Variants in METTL24 observed in about 807,000 individuals in gnomAD.
METTL24 encodes methyltransferase like 24.
Under a neutral mutation model 32.7 loss-of-function variants are expected in METTL24, and 29 were observed. That is an observed-to-expected ratio of 0.89 (90% CI 0.66 to 1.21). METTL24 has a LOEUF of 1.21. Ranked by LOEUF, METTL24 falls within the 50% of genes most tolerant of loss-of-function variation. METTL24 has a pLI of 0.00. For synonymous variants in METTL24, 163 were observed against 179.5 expected (o/e 0.91, Z 0.73); for missense variants, 439 against 468.1 (o/e 0.94, Z 0.57).
At chr6:110,296,121 T>C (rs75303570) in intron 4 of METTL24, among the ~76,000 whole-genome samples, 14,639 of 152,162 alleles carry the variant, frequency 0.096, 1,374 homozygotes, top group African/African-American at 0.25. Context: ...AGAGAAACCC[T>C]CAGGCAGCTC....
At chr6:110,263,774 T>G (rs1008292329) in intron 4 of METTL24, among the ~76,000 whole-genome samples, 14 of 152,078 alleles carry the variant, frequency 9.2e-5, no homozygotes, top group Non-Finnish European at 1.6e-4. Flanking sequence ...AAAACAGAGA[T>G]ATAGACCAAT....
At chr6:110,324,795 C>T (rs763936124) in intron 1 of METTL24, among the ~76,000 whole-genome samples, 4 of 152,070 alleles carry the variant, frequency 2.6e-5, no homozygotes, top group East Asian at 1.9e-4. Context: ...TCTCTGAATT[C>T]GATGTTGATT....
chr6:110,340,321 A>C (rs1451572044), intron 1 of METTL24, among the ~76,000 whole-genome samples: 1 of 152,184 alleles, frequency 6.6e-6, no homozygotes, highest in African/African-American at 2.4e-5. Flanking sequence ...CCCAGCCAGC[A>C]GTGAAGTGAT....
In METTL24 at chr6:110,354,262, A is replaced by G. The variant is rs544076326; in HGVS notation, c.318+3693T>C. ...GAAGGGGACGAGGAAAGAAAGAATT[A>G]TATGAGGACTACACTTCACTACTCT... On this transcript the variant is annotated intron_variant, in intron 1 of 4. Transcript: ENST00000338882. Among the ~76,000 whole-genome samples, 14 of 152,360 alleles carry G rather than the reference A, an allele frequency of 9.2e-5. No homozygotes were observed. The South Asian group carries it at 2.9e-3, about 32-fold the overall frequency.
intron 4 of METTL24, among the ~76,000 whole-genome samples, chr6:110,278,347 C>G (rs1771081908): frequency 6.6e-6 from 1 of 152,184 alleles, no homozygotes; most frequent in Non-Finnish European, 1.5e-5. Flanking sequence ...TATCTCTGCA[C>G]TTTCCTCTTT....
chr6:110,328,424 C>A (rs951119152), intron 1 of METTL24, among the ~76,000 whole-genome samples: 4 of 152,176 alleles, frequency 2.6e-5, no homozygotes, highest in African/African-American at 9.7e-5. Context: ...GCAACTAGTT[C>A]ATGTTATTTA....
chr6:110,306,724 T>G (rs1451545155), intron 3 of METTL24, among the ~76,000 whole-genome samples: 1 of 152,224 alleles, frequency 6.6e-6, no homozygotes, highest in East Asian at 1.9e-4. Context: ...TAGTTGAAAT[T>G]GGTCAAGTTT....
intron 4 of METTL24, among the ~76,000 whole-genome samples, chr6:110,262,685 A>G (rs1426063997): frequency 6.6e-6 from 1 of 152,270 alleles, no homozygotes; most frequent in African/African-American, 2.4e-5. Flanking sequence ...ATTTTAGAGC[A>G]ATATCCTTGA....
chr6:110,348,550 C>T (rs763326767), intron 1 of METTL24, among the ~76,000 whole-genome samples: 4 of 152,252 alleles, frequency 2.6e-5, no homozygotes, highest in Admixed American at 6.5e-5. Flanking sequence ...TGATCGTGCT[C>T]TAGTCAAAGT....
At chr6:110,285,974 C>T (rs17071391) in intron 4 of METTL24, among the ~76,000 whole-genome samples, 13,334 of 152,228 alleles carry the variant, frequency 0.088, 1,062 homozygotes, top group African/African-American at 0.22. Context: ...TGAAAAATCT[C>T]AAAGAAGCCA....
At chr6:110,352,790 C>T (rs1156451018) in intron 1 of METTL24, among the ~76,000 whole-genome samples, 1 of 152,124 alleles carries the variant, frequency 6.6e-6, no homozygotes, top group Admixed American at 6.5e-5. Flanking sequence ...TCCTTAGAAA[C>T]ACAAGGACTC....
At chr6:110,276,237 A>T (rs984804025) in intron 4 of METTL24, among the ~76,000 whole-genome samples, 10 of 152,368 alleles carry the variant, frequency 6.6e-5, no homozygotes, top group African/African-American at 2.4e-4. Flanking sequence ...GTTTGAGACC[A>T]GCCTGGGCAA....
intron 1 of METTL24, among the ~76,000 whole-genome samples, chr6:110,338,138 A>G (rs187127101): frequency 2.0e-5 from 3 of 152,334 alleles, no homozygotes; most frequent in East Asian, 3.9e-4. Flanking sequence ...ACTGGACTTT[A>G]TAGTAATACC....
At chr6:110,333,120 C>T (rs926531798) in intron 1 of METTL24, among the ~76,000 whole-genome samples, 1 of 152,154 alleles carries the variant, frequency 6.6e-6, no homozygotes, top group Non-Finnish European at 1.5e-5. Context: ...AGTTTAACAT[C>T]ATCTGAATCA....
In METTL24 at chr6:110,246,051, A is replaced by G. The variant is rs1486763120; in HGVS notation, c.996T>C (p.Phe332=). ...KELEQKDFRL[F]HSYKDLSKPQ... Reference sequence around the variant, plus strand: ...GTTTAGATAAGTCTTTGTAACTGTGAAAAAGCCTGAAATCCTTTTGTTCTA... The same window carrying G: ...GTTTAGATAAGTCTTTGTAACTGTGGAAAAGCCTGAAATCCTTTTGTTCTA... Residue 332 remains phenylalanine (F), a synonymous_variant, in exon 5 of 5, where the codon TTT becomes TTC. Coordinates refer to ENST00000338882, the MANE Select transcript of METTL24 (RefSeq NM_001123364.3). 2 of 1,614,172 alleles carry G rather than the reference A, an allele frequency of 1.2e-6. No homozygotes were observed. The highest frequency in any genetic ancestry group is 1.7e-4 in the Middle Eastern group (1 of 6,060).
intron 4 of METTL24, among the ~76,000 whole-genome samples, chr6:110,250,087 A>AT (rs1778249462): frequency 6.6e-6 from 1 of 151,936 alleles, no homozygotes; most frequent in Admixed American, 6.6e-5. Context: ...AACTGCAGAG[A>AT]TTCGAGGAAA....
intron 4 of METTL24, among the ~76,000 whole-genome samples, chr6:110,267,179 T>C (rs1221632176): frequency 6.6e-6 from 1 of 152,226 alleles, no homozygotes; most frequent in Admixed American, 6.5e-5. Flanking sequence ...CCTCTGCTTA[T>C]CATCAACACA....
intron 1 of METTL24, among the ~76,000 whole-genome samples, chr6:110,329,125 G>C (rs901005691): frequency 1.3e-5 from 2 of 152,228 alleles, no homozygotes; most frequent in African/African-American, 2.4e-5. Flanking sequence ...ATAACTGATA[G>C]AGTGTTTGGG....
intron 4 of METTL24, among the ~76,000 whole-genome samples, chr6:110,263,305 A>C (rs939953924): frequency 6.6e-6 from 1 of 152,194 alleles, no homozygotes; most frequent in Non-Finnish European, 1.5e-5. Flanking sequence ...CAAAAATCAC[A>C]AGCATTCTTA....
Sources: gnomAD v4.1 joint callset for allele counts (sites outside exome capture counted in the v4.1 genomes callset) on GRCh38, gnomAD v4.1.1 for gene constraint, MANE v1.5 for transcripts, NCBI Gene and HGNC (gene_info 2026-07-23, HGNC 2026-07-21) for gene names.